QTMAN: variants seen among roughly 807,000 people sequenced by gnomAD.
QTMAN encodes the protein tRNA-queuosine alpha-mannosyltransferase.
At chr2:144,191,626 G>T in the QTMAN span, among the ~76,000 whole-genome samples, 1 of 152,000 alleles carries the variant, frequency 6.6e-6, no homozygotes, top group Admixed American at 6.6e-5. Flanking sequence ...AATATTTACT[G>T]AACACTAAGA....
the QTMAN span, among the ~76,000 whole-genome samples, chr2:144,312,439 TC>T: frequency 6.6e-6 from 1 of 152,038 alleles, no homozygotes; most frequent in Admixed American, 6.6e-5. Context: ...TCTGGTTACC[TC>T]CCACCATGAC....
At chr2:144,133,188 AAT>A in the QTMAN span, among the ~76,000 whole-genome samples, 14 of 36,680 alleles carry the variant, frequency 3.8e-4, no homozygotes, top group South Asian at 7.3e-3. Context: ...ATATAATATA[AAT>A]TTATATATAT....
chr2:144,111,842 C>T, the QTMAN span, among the ~76,000 whole-genome samples: 1 of 152,104 alleles, frequency 6.6e-6, no homozygotes, highest in Non-Finnish European at 1.5e-5. Flanking sequence ...GATGCTCGGC[C>T]TGCTTAAAAA....
the QTMAN span, among the ~76,000 whole-genome samples, chr2:144,255,907 G>T: frequency 6.6e-6 from 1 of 152,294 alleles, no homozygotes; most frequent in Non-Finnish European, 1.5e-5. Flanking sequence ...ACACCACTGG[G>T]GTGGGGGAGG....
At chr2:144,274,168 T>C in the QTMAN span, among the ~76,000 whole-genome samples, 1,735 of 152,270 alleles carry the variant, frequency 0.011, 32 homozygotes, top group African/African-American at 0.04. Flanking sequence ...TCTCTAACCA[T>C]GGTTCCTGGC....
the QTMAN span, among the ~76,000 whole-genome samples, chr2:144,254,990 C>T: frequency 6.6e-6 from 1 of 152,220 alleles, no homozygotes; most frequent in Admixed American, 6.5e-5. Flanking sequence ...CCTGTAACCC[C>T]ACTGTAACTA....
chr2:144,033,883 C>A, the QTMAN span, among the ~76,000 whole-genome samples: 4 of 152,160 alleles, frequency 2.6e-5, no homozygotes, highest in African/African-American at 9.7e-5. Flanking sequence ...GTATCAGGAA[C>A]CTGAAGCAAA....
At chr2:144,232,301 CCT>C in the QTMAN span, among the ~76,000 whole-genome samples, 386 of 152,194 alleles carry the variant, frequency 2.5e-3, 1 homozygote, top group East Asian at 0.021. Context: ...TGCTGATACA[CCT>C]CTGTTTTACA....
chr2:144,016,601 G>C, the QTMAN span, among the ~76,000 whole-genome samples: 1 of 152,126 alleles, frequency 6.6e-6, no homozygotes, highest in Admixed American at 6.5e-5. Context: ...CCTAAAAATG[G>C]TCTCTAATCA....
the QTMAN span, among the ~76,000 whole-genome samples, chr2:144,015,321 C>T: frequency 6.6e-6 from 1 of 152,280 alleles, no homozygotes; most frequent in Non-Finnish European, 1.5e-5. Flanking sequence ...TGGCAGAGCC[C>T]TAGGCTAAAC....
At chr2:144,137,710 G>A in the QTMAN span, among the ~76,000 whole-genome samples, 1 of 151,978 alleles carries the variant, frequency 6.6e-6, no homozygotes, top group Non-Finnish European at 1.5e-5. Context: ...AAAATAAGAA[G>A]AGGAGAGAGA....
At chr2:144,205,529 A>G in the QTMAN span, among the ~76,000 whole-genome samples, 1 of 152,000 alleles carries the variant, frequency 6.6e-6, no homozygotes, top group Non-Finnish European at 1.5e-5. Flanking sequence ...ATGTTGCTTC[A>G]CTCCCAAGGG....
chr2:144,228,336 A>G, the QTMAN span, among the ~76,000 whole-genome samples: 1 of 152,192 alleles, frequency 6.6e-6, no homozygotes, highest in Non-Finnish European at 1.5e-5. Flanking sequence ...AAGAATTTTG[A>G]ATGTACACTT....
chr2:144,175,691 A>T, the QTMAN span, among the ~76,000 whole-genome samples: 1 of 151,590 alleles, frequency 6.6e-6, no homozygotes, highest in Non-Finnish European at 1.5e-5. Flanking sequence ...AGAGAGAGAG[A>T]CTTGCTCTGT....
chr2:144,005,675 C>A, the QTMAN span: 1 of 152,004 alleles, frequency 6.6e-6, no homozygotes, highest in Non-Finnish European at 1.5e-5. Flanking sequence ...AAACATAATG[C>A]TGCATCTCTT....
the QTMAN span, among the ~76,000 whole-genome samples, chr2:144,253,305 T>G: frequency 6.6e-6 from 1 of 152,206 alleles, no homozygotes; most frequent in African/African-American, 2.4e-5. Flanking sequence ...CATAGCAGCA[T>G]GAAAGCAAAC....
At chr2:144,080,949 A>G in the QTMAN span, among the ~76,000 whole-genome samples, 2 of 152,192 alleles carry the variant, frequency 1.3e-5, no homozygotes, top group African/African-American at 4.8e-5. Flanking sequence ...AATTTACTCT[A>G]ATTTTACAAC....
At chr2:144,319,757 T>A in the QTMAN span, 1 of 152,162 alleles carries the variant, frequency 6.6e-6, no homozygotes, top group Admixed American at 6.5e-5. Flanking sequence ...TCTCTGTGCA[T>A]AATAGATGGC....
the QTMAN span, among the ~76,000 whole-genome samples, chr2:144,063,858 G>A: frequency 6.6e-6 from 1 of 152,282 alleles, no homozygotes; most frequent in Non-Finnish European, 1.5e-5. Flanking sequence ...AATTCTGGGT[G>A]TGCCTAATGA....
Sources: allele counts gnomAD v4.1 joint callset (sites outside exome capture counted in the v4.1 genomes callset), GRCh38; gene constraint gnomAD v4.1.1; transcripts MANE v1.5; gene names NCBI Gene and HGNC (gene_info 2026-07-23, HGNC 2026-07-21).